ABHD12B: variants seen among roughly 807,000 people sequenced by gnomAD.
ABHD12B encodes abhydrolase domain containing 12B.
In ABHD12B, 42 loss-of-function variants were observed where a neutral mutation model predicts 50.4. The ratio of observed to expected loss-of-function variants is 0.83; its 90% CI spans 0.65 to 1.08. The LOEUF is 1.08. Ranked by LOEUF, ABHD12B falls within the 50% of genes least tolerant of loss-of-function variation. The probability of loss-of-function intolerance (pLI) is 0.00; values close to 1 mark genes in which losing one functional copy is unlikely to be tolerated. For missense variants in ABHD12B, 479 were observed against 447.7 expected (o/e 1.07, Z -0.63); for synonymous variants, 167 against 160.3 (o/e 1.04, Z -0.32).
rs756975150 is a variant in ABHD12B at position 50,904,382 on chromosome 14, A to G, written c.*16A>G. 6.2e-7 allele frequency: 1 copy of G among 1,613,856 alleles called. No individual in the cohort carries two copies. The highest frequency in any genetic ancestry group is 2.2e-5 in the East Asian group (1 of 44,882). Reference sequence around the variant, plus strand: ...GTGGTCATGAGTCTGGGAGGAGTGGAAATCTTCAATGAAGACTTGGCCCAA... The same window carrying G: ...GTGGTCATGAGTCTGGGAGGAGTGGGAATCTTCAATGAAGACTTGGCCCAA... On this transcript the variant is annotated 3_prime_UTR_variant, in exon 13 of 13. Transcript: ENST00000337334.
chr14:50,897,750 T>C (rs555995674), intron 9 of ABHD12B, among the ~76,000 whole-genome samples: 1 of 152,318 alleles, frequency 6.6e-6, no homozygotes, highest in African/African-American at 2.4e-5. Context: ...GTTTTCCCAT[T>C]TTTTTACCAA....
At chr14:50,896,324 A>T in intron 9 of ABHD12B, among the ~76,000 whole-genome samples, 2 of 151,654 alleles carry the variant, frequency 1.3e-5, no homozygotes, top group South Asian at 4.2e-4. Flanking sequence ...CCCCCCAAAA[A>T]TTTTCACCGC....
chr14:50,885,413 ACT>A (rs781600221), intron 5 of ABHD12B, among the ~76,000 whole-genome samples, 199 bp from the exon 6 acceptor site: 2 of 152,254 alleles, frequency 1.3e-5, no homozygotes, highest in Admixed American at 6.5e-5. Flanking sequence ...AGTGCAACAA[ACT>A]CTCTTTTAAA....
chr14:50,904,333 C>A lies in ABHD12B; in HGVS notation c.1062-6C>A. 6.2e-7 allele frequency: 1 copy of A among 1,613,638 alleles called. No individual in the cohort carries two copies. The highest frequency in any genetic ancestry group is 8.5e-7 in the Non-Finnish European group (1 of 1,179,822). On this transcript the variant is annotated splice_region_variant and splice_polypyrimidine_tract_variant and intron_variant, in intron 12 of 12. Coordinates refer to ENST00000337334, the MANE Select transcript of ABHD12B (RefSeq NM_001206673.2). ...GTGTGAGCTGATCTGGGTCCTTTTTCTACAGAGATTTCCTGAGCAAGCAGT... is the reference window on the plus strand; with the variant it reads ...GTGTGAGCTGATCTGGGTCCTTTTTATACAGAGATTTCCTGAGCAAGCAGT...
At chr14:50,875,911 C>T (rs756112413) in intron 1 of ABHD12B, among the ~76,000 whole-genome samples, 73 of 152,090 alleles carry the variant, frequency 4.8e-4, no homozygotes, top group Non-Finnish European at 8.7e-4. Context: ...CGGGAGACTA[C>T]CCTGCCTACC....
chr14:50,891,245 C>T (rs1175401820), intron 9 of ABHD12B: 3 of 25,016 alleles, frequency 1.2e-4, no homozygotes, highest in African/African-American at 1.3e-4. Flanking sequence ...GATAAAGAGA[C>T]GTTTCTTTTT....
intron 1 of ABHD12B, among the ~76,000 whole-genome samples, chr14:50,876,795 G>A (rs150233269): frequency 7.5e-4 from 114 of 152,296 alleles, no homozygotes; most frequent in African/African-American, 2.5e-3. Context: ...AGAAATCAGG[G>A]CAGGGGAGAC....
At chr14:50,899,817 G>A (rs535916013) in intron 9 of ABHD12B, among the ~76,000 whole-genome samples, 2 of 151,970 alleles carry the variant, frequency 1.3e-5, no homozygotes, top group African/African-American at 4.8e-5. Flanking sequence ...AGCTACTTGG[G>A]TGGCTGAGGC....
intron 1 of ABHD12B, 77 bp from the exon 2 acceptor site, chr14:50,877,875 A>AAAC (rs1555322872): frequency 1.4e-6 from 2 of 1,421,960 alleles, no homozygotes; most frequent in South Asian, 2.9e-5. Context: ...CCAAAAAAAA[A>AAAC]CAAAGAAAAA....
intron 9 of ABHD12B, among the ~76,000 whole-genome samples, chr14:50,894,444 G>C (rs1661667711): frequency 6.6e-6 from 1 of 151,684 alleles, no homozygotes; most frequent in Non-Finnish European, 1.5e-5. Flanking sequence ...TTCACTATGG[G>C]CAAGCTTCCA....
intron 1 of ABHD12B, among the ~76,000 whole-genome samples, chr14:50,875,268 A>G (rs2049845327): frequency 6.6e-6 from 1 of 152,238 alleles, no homozygotes; most frequent in South Asian, 2.1e-4. Flanking sequence ...GTGAAGGAAG[A>G]GGGGATTTGG....
intron 4 of ABHD12B, 110 bp downstream of exon 4, chr14:50,880,681 A>G (rs2049930306): frequency 8.1e-7 from 1 of 1,231,326 alleles, no homozygotes; most frequent in African/African-American, 1.5e-5. Context: ...ATGCCTTCAC[A>G]TATTTCTTCT....
intron 9 of ABHD12B, chr14:50,893,291 A>T (rs796730099): frequency 6.4e-6 from 1 of 155,296 alleles, no homozygotes; most frequent in African/African-American, 2.4e-5. Flanking sequence ...AACTGATGAC[A>T]TTCCACCACA....
chr14:50,873,401 G>T (rs562656960), intron 1 of ABHD12B, among the ~76,000 whole-genome samples: 1 of 152,076 alleles, frequency 6.6e-6, no homozygotes, highest in East Asian at 1.9e-4. Flanking sequence ...TGTAGATATG[G>T]GTTTTCACTA....
intron 1 of ABHD12B, among the ~76,000 whole-genome samples, chr14:50,872,811 A>G (rs906685098): frequency 3.3e-5 from 5 of 152,178 alleles, no homozygotes; most frequent in African/African-American, 9.7e-5. Context: ...AAAGATGTAC[A>G]TAGTGTGTTG....
Position 50,901,872 on chromosome 14 carries a change from C to G in ABHD12B, c.824C>G (p.Ala275Gly). 2 of 1,595,438 alleles carry G rather than the reference C, an allele frequency of 1.3e-6. No individual in the cohort carries two copies. The highest frequency in any genetic ancestry group is 1.7e-6 in the Non-Finnish European group (2 of 1,174,722). The stretch of plus-strand genomic sequence containing the variant: ...GGATTTTTACGTACACTTATGGATG[C>G]CCTGAGAAAAGACAAAATAATCTTT... ...IPGFLRTLMD[A>G]LRKDKIIFPN... Residue 275 changes from alanine to glycine, a missense_variant, in exon 10 of 13, where the codon GCC (alanine) becomes GGC (glycine). Coordinates refer to ENST00000337334, the MANE Select transcript of ABHD12B (RefSeq NM_001206673.2).
At chr14:50,887,802 T>G (rs1017341157) in intron 8 of ABHD12B, among the ~76,000 whole-genome samples, 1 of 152,182 alleles carries the variant, frequency 6.6e-6, no homozygotes, top group Non-Finnish European at 1.5e-5. Flanking sequence ...TAGACTGTAG[T>G]TCTTTGAGAT....
chr14:50,886,681 A>G lies in ABHD12B; in HGVS notation c.697A>G (p.Lys233Glu), dbSNP rs765225358. 5 of 1,608,184 alleles carry G rather than the reference A, an allele frequency of 3.1e-6. No homozygotes were observed. In the Admixed American group the frequency reaches 6.7e-5, roughly 22 times the overall value. ...AAATGCTGCAAAAGTGCTAGAAGAA[A>G]AAGGTAATATAAAATGCTTAAGTGG... is the stretch of plus-strand genomic sequence containing the variant. The part of the protein sequence containing the change: ...ATNAAKVLEE[K>E]GCPVDAIVLE... The change falls in exon 8 of 13, where the codon AAA (lysine) becomes GAA (glutamate). Residue 233 changes from lysine to glutamate, a missense_variant. Lys to Glu is a moderately conservative substitution (Grantham distance 56). Coordinates refer to ENST00000337334, the MANE Select transcript of ABHD12B (RefSeq NM_001206673.2).
intron 8 of ABHD12B, 21 bp downstream of exon 8, chr14:50,886,705 G>A: frequency 6.3e-7 from 1 of 1,599,196 alleles, no homozygotes; most frequent in East Asian, 2.2e-5. Context: ...ATGCTTAAGT[G>A]GTATAATTTC....
Sources: gnomAD v4.1 joint callset for allele counts (sites outside exome capture counted in the v4.1 genomes callset) on GRCh38, gnomAD v4.1.1 for gene constraint, MANE v1.5 for transcripts, NCBI Gene and HGNC (gene_info 2026-07-23, HGNC 2026-07-21) for gene names.